The following VWA7 variants were observed in gnomAD, a reference collection of about 807,000 sequenced individuals.
VWA7 encodes von Willebrand factor A domain containing 7.
VWA7 carries 66 observed loss-of-function variants against 83.1 expected under a neutral mutation model. That is an observed-to-expected ratio of 0.79 (90% CI 0.65 to 0.98). VWA7 has a LOEUF of 0.98. Among genes scored for constraint, VWA7 ranks in the 50% least tolerant of loss-of-function variants. The pLI is 0.00. For missense variants in VWA7, 1,080 were observed against 1,160.2 expected, an observed-to-expected ratio of 0.93 and a Z score of 1.00; for synonymous variants, 424 against 488.5, an observed-to-expected ratio of 0.87 and a Z score of 1.74.
In VWA7 at chr6:31,776,726, C is replaced by A; in HGVS notation, c.54G>T (p.Leu18=). The A allele has an allele frequency of 6.8e-7, 1 of 1,479,644 alleles. No homozygotes were observed. The highest frequency in any genetic ancestry group is 9.0e-7 in the Non-Finnish European group (1 of 1,109,224). The allele number at this position is 1,479,644 out of a possible 1,614,324, so 91.7% of individuals were successfully genotyped here. ...ATGTGGGGGGCAGCAACAGCTGCAG[C>A]AGAAGCAACGCTGAGGGGCCCGGGT... ...QSHPGPSALL[L]LQLLLPPTSA... is the part of the protein sequence containing the mutation. Residue 18 remains leucine (L), a synonymous_variant, in exon 2 of 17, where the codon CTG becomes CTT. Coordinates refer to ENST00000375688, the MANE Select transcript of VWA7 (RefSeq NM_025258.3). The surrounding 1 kb of genome is among the most constrained non-coding windows in gnomAD (Gnocchi z 6.2).
At chr6:31,774,364 C>T in intron 5 of VWA7, 152 bp downstream of exon 5, 2 of 684,100 alleles carry the variant, frequency 2.9e-6, no homozygotes, top group Non-Finnish European at 4.8e-6. Context: ...ACCACAGCCT[C>T]CTCAGGGGAC....
Position 31,766,182 on chromosome 6 carries a change from G to C in VWA7, c.2324+63C>G, listed in dbSNP as rs1002390962. 11 of 1,600,900 alleles carry C rather than the reference G, an allele frequency of 6.9e-6. No individual in the cohort carries two copies. In the African/African-American group the frequency reaches 1.2e-4, roughly 18 times the overall value. ...GCCAGTCGGAGGGGGACAGGGGCAG[G>C]GCTTGGGATAAGCATTGGCCGGGCA... On this transcript the variant is annotated intron_variant, in intron 15 of 16. Transcript: ENST00000375688. The surrounding 1 kb of genome is among the most constrained non-coding windows in gnomAD (Gnocchi z 4.9).
Position 31,775,464 on chromosome 6 carries a change from C to G in VWA7, c.514-35G>C. ...AGGACAGGAGAAGGGGAGTGAGGCA[C>G]TAGTCTGGCCTTTCTCACCATCTCC... On this transcript the variant is annotated intron_variant, in intron 3 of 16. Coordinates refer to ENST00000375688, the MANE Select transcript of VWA7 (RefSeq NM_025258.3). The surrounding 1 kb of genome is among the most constrained non-coding windows in gnomAD (Gnocchi z 5.9). The G allele has an allele frequency of 1.3e-6, 2 of 1,576,060 alleles. No homozygotes were observed. Among genetic ancestry groups the G allele is most frequent in the Non-Finnish European group, 1.7e-6 (2 of 1,155,140 alleles).
Position 31,773,234 on chromosome 6 carries a change from C to T in VWA7, c.917+8G>A. 1 of 1,598,972 alleles carries T rather than the reference C, an allele frequency of 6.3e-7. No homozygotes were observed. On this transcript the variant is annotated splice_region_variant and intron_variant, in intron 6 of 16. Coordinates refer to ENST00000375688, the MANE Select transcript of VWA7 (RefSeq NM_025258.3). This position sits in a 1 kb window ranked among gnomAD's most constrained non-coding sequence, Gnocchi z 5.3. The stretch of plus-strand genomic sequence containing the variant: ...CATGAAGGGGTCCATCCCCAGGAGG[C>T]CACTCACCTGGAGAAATCCCTGTCT...
At chr6:31,765,827 C>T in intron 16 of VWA7, 56 bp downstream of exon 16, 2 of 1,601,032 alleles carry the variant, frequency 1.2e-6, no homozygotes, top group South Asian at 1.1e-5. Flanking sequence ...CAAATTAAAC[C>T]TACACCACCC....
Position 31,769,317 on chromosome 6 carries a change from T to C in VWA7, c.1318-114A>G. The C allele has an allele frequency of 1.5e-6, 2 of 1,311,506 alleles. No homozygotes were observed. The highest frequency in any genetic ancestry group is 1.4e-5 in the South Asian group (1 of 69,628). The allele number at this position is 1,311,506 out of a possible 1,614,324, so 81.2% of individuals were successfully genotyped here. A position where few individuals can be genotyped will look rare whatever the true frequency, so the allele number is the denominator to read the frequency against. On this transcript the variant is annotated intron_variant, in intron 9 of 16. Coordinates refer to ENST00000375688, the MANE Select transcript of VWA7 (RefSeq NM_025258.3). This position sits in a 1 kb window ranked among gnomAD's most constrained non-coding sequence, Gnocchi z 4.5. ...AGCTGATGGTTTGTGATAAGGTCTC[T>C]GCCTGCCTTCTGGCTGCTGGGGTGG...
chr6:31,775,845 G>A lies in VWA7; in HGVS notation c.513+119C>T. ...CACAGCCTCGGGGCACCGCGTGCCA[G>A]TGCCCACCCCTTCCAGAGTGGAGGA... On this transcript the variant is annotated intron_variant, in intron 3 of 16. Transcript: ENST00000375688. The surrounding 1 kb of genome is among the most constrained non-coding windows in gnomAD (Gnocchi z 5.9). 1 of 1,470,030 alleles carries A rather than the reference G, an allele frequency of 6.8e-7. No homozygotes were observed. Among genetic ancestry groups the A allele is most frequent in the South Asian group, 1.4e-5 (1 of 74,046 alleles). 91.1% of individuals were successfully genotyped at this position (1,470,030 alleles called of 1,614,324 possible).
rs750857455 is a variant in VWA7, at chr6:31,767,466, C to T, written c.1685G>A (p.Arg562His). ...EEGGGPLGHT[R>H]RFGQFWMVTM... ...CACCATCCAGAACTGCCCAAAGCGG[C>T]GAGTGTGACCTAGAGGACCCCCGCC... Residue 562 changes from arginine to histidine, a missense_variant, in exon 12 of 17, where the codon CGC becomes CAC. By Grantham distance (29) the Arg-to-His change is conservative. Coordinates refer to ENST00000375688, the MANE Select transcript of VWA7 (RefSeq NM_025258.3). The T allele has an allele frequency of 6.2e-6, 10 of 1,612,822 alleles. No homozygotes were observed. The highest frequency in any genetic ancestry group is 1.1e-5 in the South Asian group (1 of 91,074).
In VWA7 at chr6:31,766,364, GA is replaced by G; in HGVS notation, c.2204del (p.Phe735SerfsTer46). The G allele has an allele frequency of 8.7e-6, 14 of 1,602,710 alleles. No individual in the cohort carries two copies. The highest frequency in any genetic ancestry group is 1.1e-5 in the Non-Finnish European group (13 of 1,175,748). Reference protein sequence around the residue: ...VLLELSGPSGFLAPGSKVPLS... With the variant: ...VLLELSGPSGXLAPGSKVPLS... Reference sequence around the variant, plus strand: ...GCGGGACTTTGCTGCCCGGGGCCAAGAAACCCGAGGGGCCACTAAGCTGCAG... The same window carrying G: ...GCGGGACTTTGCTGCCCGGGGCCAAGAACCCGAGGGGCCACTAAGCTGCAG... On this transcript the variant is annotated frameshift_variant, in exon 15 of 17. Transcript: ENST00000375688. LOFTEE classifies it high-confidence loss of function. The surrounding 1 kb of genome is among the most constrained non-coding windows in gnomAD (Gnocchi z 4.9).
In VWA7 at chr6:31,769,551, C is replaced by T; in HGVS notation, c.1317+124G>A. The T allele has an allele frequency of 1.2e-6, 1 of 864,796 alleles. No individual in the cohort carries two copies. Among genetic ancestry groups the T allele is most frequent in the Non-Finnish European group, 1.9e-6 (1 of 532,380 alleles). The allele number at this position is 864,796 out of a possible 1,614,324, so 53.6% of individuals were successfully genotyped here. A position where few individuals can be genotyped will look rare whatever the true frequency, so the allele number is the denominator to read the frequency against. ...ATGTTCCACTCATTGTCTGCTTCTC[C>T]CACCATATACCAAGGCTTGTTGGGC... is the stretch of plus-strand genomic sequence containing the variant. On this transcript the variant is annotated intron_variant, in intron 9 of 16. Coordinates refer to ENST00000375688, the MANE Select transcript of VWA7 (RefSeq NM_025258.3). The surrounding 1 kb of genome is among the most constrained non-coding windows in gnomAD (Gnocchi z 4.5).
At position 31,776,869 on chromosome 6, in the gene VWA7, T is replaced by A; in HGVS notation, c.-15-75A>T. ...GGCAGGCCGGCTCTGCGGGTCTCCA[T>A]GGGAACCTGCTTTACCTCAAAAGTC... On this transcript the variant is annotated intron_variant, in intron 1 of 16. Coordinates refer to ENST00000375688, the MANE Select transcript of VWA7 (RefSeq NM_025258.3). This position sits in a 1 kb window ranked among gnomAD's most constrained non-coding sequence, Gnocchi z 6.2. 1.2e-6 allele frequency: 1 copy of A among 846,472 alleles called. No homozygotes were observed. The highest frequency in any genetic ancestry group is 1.7e-6 in the Non-Finnish European group (1 of 588,498). 52.4% of individuals were successfully genotyped at this position (846,472 alleles called of 1,614,324 possible).
In VWA7 at chr6:31,773,423, C is replaced by A; in HGVS notation, c.736G>T (p.Gly246Trp). 1 of 1,593,834 alleles carries A rather than the reference C, an allele frequency of 6.3e-7. No individual in the cohort carries two copies. Among genetic ancestry groups the A allele is most frequent in the Non-Finnish European group, 8.5e-7 (1 of 1,170,778 alleles). The change falls in exon 6 of 17, where the codon GGG becomes TGG. Residue 246 changes from glycine (G) to tryptophan (W), a missense_variant. Physicochemically the swap from Gly to Trp is radical, Grantham distance 184 (BLOSUM62 -2). Coordinates refer to ENST00000375688, the MANE Select transcript of VWA7 (RefSeq NM_025258.3). The surrounding 1 kb of genome is among the most constrained non-coding windows in gnomAD (Gnocchi z 5.3). The part of the protein sequence containing the change: ...PPKPPGKCSH[G>W]GHFDRSSSQP... ...GAGCTGCTCCGGTCAAAATGGCCCC[C>A]GTGGCTACATTTCCCTGGGTTGGGG... is the stretch of plus-strand genomic sequence containing the variant.
At position 31,765,688 on chromosome 6, in the gene VWA7, G is replaced by A. The variant is rs773628708; in HGVS notation, c.2582C>T (p.Thr861Ile). The change falls in exon 17 of 17, where the codon ACT (threonine) becomes ATT (isoleucine). Residue 861 changes from threonine (T) to isoleucine (I), a missense_variant. Transcript: ENST00000375688. Reference sequence around the variant, plus strand: ...CAGCCCTGCCCCAGCCCTGCCTTGAGTCACCAATGTGAAGGGGGAAAAGGC... The same window carrying A: ...CAGCCCTGCCCCAGCCCTGCCTTGAATCACCAATGTGAAGGGGGAAAAGGC... ...TPAFSPFTLV[T>I]QGRAGAGLAA... 6.2e-7 allele frequency: 1 copy of A among 1,601,632 alleles called. No homozygotes were observed. Among genetic ancestry groups the A allele is most frequent in the Non-Finnish European group, 8.5e-7 (1 of 1,174,318 alleles).
rs981889531 is a variant in VWA7, at chr6:31,776,859, C to G, written c.-15-65G>C. The G allele has an allele frequency of 2.1e-6, 2 of 969,274 alleles. No homozygotes were observed. The highest frequency in any genetic ancestry group is 2.2e-5 in the South Asian group (1 of 45,398). The allele number at this position is 969,274 out of a possible 1,614,324, so 60.0% of individuals were successfully genotyped here. On this transcript the variant is annotated intron_variant, in intron 1 of 16. Transcript: ENST00000375688. The surrounding 1 kb of genome is among the most constrained non-coding windows in gnomAD (Gnocchi z 6.2). ...GCGATTCCAGGGCAGGCCGGCTCTG[C>G]GGGTCTCCATGGGAACCTGCTTTAC...
chr6:31,772,161 G>A lies in VWA7; in HGVS notation c.1087+793C>T, dbSNP rs1346110557. ...AGTTATCTTTTTTTTTTTTTTTAGA[G>A]ACAGGGTCTCACTGCGTCACCCAGG... On this transcript the variant is annotated intron_variant, in intron 7 of 16. Coordinates refer to ENST00000375688, the MANE Select transcript of VWA7 (RefSeq NM_025258.3). Among the ~76,000 whole-genome samples, 9 of 148,736 alleles carry A rather than the reference G, an allele frequency of 6.1e-5. No homozygotes were observed. The South Asian group carries it at 1.5e-3, about 24-fold the overall frequency.
rs1157609400 is a variant in VWA7, at chr6:31,773,507, TTCAGGCC to T, written c.722-77_722-71del. 2 of 1,414,822 alleles carry T rather than the reference TTCAGGCC, an allele frequency of 1.4e-6. No homozygotes were observed. Among genetic ancestry groups the T allele is most frequent in the African/African-American group, 2.9e-5 (2 of 69,146 alleles). 87.6% of individuals were successfully genotyped at this position (1,414,822 alleles called of 1,614,324 possible). ...CTGCCTCCTAAGAAAATGAGGCCCT[TTCAGGCC>T]TGGCCTGACCCTCTCACCCCTCAGC... On this transcript the variant is annotated intron_variant, in intron 5 of 16. Transcript: ENST00000375688. This position sits in a 1 kb window ranked among gnomAD's most constrained non-coding sequence, Gnocchi z 5.3.
chr6:31,776,897 G>T lies in VWA7; in HGVS notation c.-15-103C>A, dbSNP rs1172984168. On this transcript the variant is annotated intron_variant, in intron 1 of 16. Transcript: ENST00000375688. This position sits in a 1 kb window ranked among gnomAD's most constrained non-coding sequence, Gnocchi z 6.2. ...GAACCTGCTTTACCTCAAAAGTCGT[G>T]TCTGCTCCAGCCTGGCTTCCCCACC... 10 of 628,540 alleles carry T rather than the reference G, an allele frequency of 1.6e-5. No individual in the cohort carries two copies. The highest frequency in any genetic ancestry group is 3.0e-5 in the South Asian group (1 of 33,896). The allele number at this position is 628,540 out of a possible 1,614,324, so 38.9% of individuals were successfully genotyped here. A position where few individuals can be genotyped will look rare whatever the true frequency, so the allele number is the denominator to read the frequency against.
chr6:31,766,750 G>C lies in VWA7; in HGVS notation c.1897C>G (p.Leu633Val). The change falls in exon 14 of 17, where the codon CTG (leucine) becomes GTG (valine). Residue 633 changes from leucine (L) to valine (V), a missense_variant. Coordinates refer to ENST00000375688, the MANE Select transcript of VWA7 (RefSeq NM_025258.3). This position sits in a 1 kb window ranked among gnomAD's most constrained non-coding sequence, Gnocchi z 4.9. ...CCCAACCCTGTCACTTCTACCAGCA[G>C]CTGGGTCTGAAGACCTGGGACAGGG... is the stretch of plus-strand genomic sequence containing the variant. ...TQPVAGLQTQ[L>V]LVEVTGLGSR... 2.5e-6 allele frequency: 4 copies of C among 1,603,664 alleles called. No homozygotes were observed. Among genetic ancestry groups the C allele is most frequent in the Non-Finnish European group, 3.4e-6 (4 of 1,172,616 alleles).
chr6:31,766,133 G>A lies in VWA7; in HGVS notation c.2325-76C>T. The A allele has an allele frequency of 6.3e-7, 1 of 1,594,886 alleles. No homozygotes were observed. The highest frequency in any genetic ancestry group is 8.6e-7 in the Non-Finnish European group (1 of 1,169,454). On this transcript the variant is annotated intron_variant, in intron 15 of 16. Coordinates refer to ENST00000375688, the MANE Select transcript of VWA7 (RefSeq NM_025258.3). The surrounding 1 kb of genome is among the most constrained non-coding windows in gnomAD (Gnocchi z 4.9). Reference sequence around the variant, plus strand: ...GAGTCGGGACGCCTGCAGGGGCACGGGAGCGGAGAGGAGGATTCTGAGGGC... The same window carrying A: ...GAGTCGGGACGCCTGCAGGGGCACGAGAGCGGAGAGGAGGATTCTGAGGGC...
Sources: allele counts gnomAD v4.1 joint callset (sites outside exome capture counted in the v4.1 genomes callset), GRCh38; gene constraint gnomAD v4.1.1; non-coding constraint Gnocchi (gnomAD v3.1); transcripts MANE v1.5; gene names NCBI Gene and HGNC (gene_info 2026-07-23, HGNC 2026-07-21).